Variants in MED13L observed in about 807,000 individuals in gnomAD.
The protein encoded by MED13L is mediator of RNA polymerase II transcription subunit 13-like.
Under a neutral mutation model 220.9 loss-of-function variants are expected in MED13L, and 7 were observed. The ratio of observed to expected loss-of-function variants is 0.03; its 90% CI spans 0.02 to 0.06. The LOEUF (loss-of-function observed/expected upper bound fraction) is 0.06, where lower values mean the gene tolerates loss of function less well. Among genes scored for constraint, MED13L ranks in the 10% least tolerant of loss-of-function variants. MED13L has a pLI of 1.00. For missense variants in MED13L, 1,965 were observed against 2,760.5 expected, an observed-to-expected ratio of 0.71 and a Z score of 6.46; for synonymous variants, 1,011 against 1,015.2, an observed-to-expected ratio of 1.00 and a Z score of 0.08.
At chr12:116,146,270 G>A (rs186249657) in intron 2 of MED13L, among the ~76,000 whole-genome samples, 1 of 152,112 alleles carries the variant, frequency 6.6e-6, no homozygotes, top group African/African-American at 2.4e-5. Context: ...CTACAGGTGT[G>A]TGCCACCATG....
chr12:115,965,952 A>G (rs186346132), intron 29 of MED13L, 130 bp downstream of exon 29: 9 of 1,166,692 alleles, frequency 7.7e-6, no homozygotes, highest in Admixed American at 3.8e-5. Flanking sequence ...TCCTCAGAGT[A>G]TAAGTAGATA....
chr12:116,120,504 C>T (rs2137951927), intron 2 of MED13L, among the ~76,000 whole-genome samples: 1 of 149,522 alleles, frequency 6.7e-6, no homozygotes, highest in Non-Finnish European at 1.5e-5. Flanking sequence ...CACACACACA[C>T]ACACACACAC....
intron 4 of MED13L, among the ~76,000 whole-genome samples, chr12:116,081,455 G>A (rs1405567210): frequency 6.6e-6 from 1 of 152,112 alleles, no homozygotes; most frequent in Non-Finnish European, 1.5e-5. Context: ...AGGAATGTAT[G>A]TATAAGAATA....
intron 9 of MED13L, among the ~76,000 whole-genome samples, chr12:116,012,198 T>A (rs1454334992): frequency 6.6e-6 from 1 of 152,176 alleles, no homozygotes; most frequent in East Asian, 1.9e-4. Context: ...TGAAAACCTA[T>A]GATGGTAAGA....
At chr12:116,002,939 G>T in intron 14 of MED13L, 64 bp downstream of exon 14, 1 of 1,255,404 alleles carries the variant, frequency 8.0e-7, no homozygotes, top group Non-Finnish European at 1.2e-6. Context: ...CACTAAGTAT[G>T]AGAATATTAT....
chr12:116,008,910 T>C lies in MED13L; in HGVS notation c.1503A>G (p.Gln501=), dbSNP rs538329234. Residue 501 remains glutamine, a synonymous_variant, in exon 10 of 31, where the codon CAA becomes CAG. Coordinates refer to ENST00000281928, the MANE Select transcript of MED13L (RefSeq NM_015335.5). ...PSVAEELCME[Q]DTPGQKLGLA... Reference sequence around the variant, plus strand: ...ACCCTAGTTTCTGTCCTGGTGTATCTTGCTCCATGCATAATTCTTCGGCCA... The same window carrying C: ...ACCCTAGTTTCTGTCCTGGTGTATCCTGCTCCATGCATAATTCTTCGGCCA... 5.9e-5 allele frequency: 96 copies of C among 1,614,186 alleles called. No individual in the cohort carries two copies. The highest frequency in any genetic ancestry group is 7.3e-5 in the Non-Finnish European group (86 of 1,180,016).
At position 116,254,302 on chromosome 12, in the gene MED13L, T is replaced by C. The variant is rs1385084664; in HGVS notation, c.73-16597A>G. Among the ~76,000 whole-genome samples, 3 of 152,052 alleles carry C rather than the reference T, an allele frequency of 2.0e-5. No homozygotes were observed. The East Asian group carries it at 5.8e-4, about 29-fold the overall frequency. On this transcript the variant is annotated intron_variant, in intron 1 of 30. Transcript: ENST00000281928. ...AAGAAAGATATAAACCCATCTATAA[T>C]TGCAGATAACATCATCACGTACGTT...
intron 2 of MED13L, among the ~76,000 whole-genome samples, chr12:116,140,560 G>A (rs577522074): frequency 2.6e-5 from 4 of 152,262 alleles, no homozygotes; most frequent in South Asian, 4.1e-4. Flanking sequence ...TATCTCTAAG[G>A]TTTTTAAACA....
intron 4 of MED13L, among the ~76,000 whole-genome samples, chr12:116,079,042 T>TATTC (rs1294098892): frequency 1.3e-5 from 2 of 152,210 alleles, no homozygotes; most frequent in African/African-American, 2.4e-5. Flanking sequence ...AACACAGCTG[T>TATTC]ATTCACTTAA....
intron 2 of MED13L, among the ~76,000 whole-genome samples, chr12:116,150,033 T>C (rs948089044): frequency 6.6e-6 from 1 of 152,210 alleles, no homozygotes; most frequent in African/African-American, 2.4e-5. Flanking sequence ...GTGGATCAAA[T>C]ACAAAATTAG....
chr12:116,209,247 A>T (rs1369406720), intron 2 of MED13L, among the ~76,000 whole-genome samples: 2 of 152,206 alleles, frequency 1.3e-5, no homozygotes, highest in African/African-American at 4.8e-5. Flanking sequence ...TGTTGCACGT[A>T]CATTATAGAG....
chr12:116,187,566 AG>A (rs1880977053), intron 2 of MED13L, among the ~76,000 whole-genome samples: 1 of 152,190 alleles, frequency 6.6e-6, no homozygotes, highest in South Asian at 2.1e-4. Context: ...TCTCTGCAAA[AG>A]TTCAATTTAT....
At chr12:116,131,477 A>G (rs1876060061) in intron 2 of MED13L, among the ~76,000 whole-genome samples, 2 of 152,222 alleles carry the variant, frequency 1.3e-5, no homozygotes, top group Non-Finnish European at 2.9e-5. Context: ...AACACTGTGT[A>G]CAAATGATAC....
intron 2 of MED13L, among the ~76,000 whole-genome samples, chr12:116,154,860 CTG>C (rs1051912661): frequency 1.3e-5 from 2 of 152,134 alleles, no homozygotes; most frequent in Non-Finnish European, 2.9e-5. Flanking sequence ...GAGTCTCACT[CTG>C]TCACCCAGGC....
chr12:116,058,923 C>T (rs1224182452), intron 4 of MED13L, among the ~76,000 whole-genome samples: 1 of 152,086 alleles, frequency 6.6e-6, no homozygotes, highest in Non-Finnish European at 1.5e-5. Flanking sequence ...AAATATGGTA[C>T]AAGTATATGT....
intron 1 of MED13L, among the ~76,000 whole-genome samples, chr12:116,241,757 T>C (rs1257552048): frequency 6.6e-6 from 1 of 152,278 alleles, no homozygotes; most frequent in African/African-American, 2.4e-5. Context: ...AACAGCTCCT[T>C]TAAAGTTAAA....
intron 2 of MED13L, among the ~76,000 whole-genome samples, chr12:116,202,718 C>A (rs1882081799): frequency 6.6e-6 from 1 of 152,158 alleles, no homozygotes; most frequent in Admixed American, 6.5e-5. Context: ...CTCTAAAATC[C>A]ACCAACCCTT....
At chr12:116,207,165 T>C (rs1007601868) in intron 2 of MED13L, among the ~76,000 whole-genome samples, 3 of 152,136 alleles carry the variant, frequency 2.0e-5, no homozygotes, top group Admixed American at 1.3e-4. Context: ...CCTTTTTTTT[T>C]TTTGGTAAGA....
intron 2 of MED13L, among the ~76,000 whole-genome samples, chr12:116,153,854 C>A (rs773768083): frequency 6.6e-6 from 1 of 152,116 alleles, no homozygotes; most frequent in Non-Finnish European, 1.5e-5. Flanking sequence ...TTATTGACAC[C>A]ATGGCCTCAC....
Sources: allele counts gnomAD v4.1 joint callset (sites outside exome capture counted in the v4.1 genomes callset), GRCh38; gene constraint gnomAD v4.1.1; transcripts MANE v1.5; gene names NCBI Gene and HGNC (gene_info 2026-07-23, HGNC 2026-07-21).